Variants in OAS1 observed in about 807,000 individuals in gnomAD.
The protein encoded by OAS1 is 2'-5'-oligoadenylate synthetase 1.
In OAS1, 24 loss-of-function variants were observed where a neutral mutation model predicts 38.5. The observed-to-expected ratio is 0.62, with a 90% confidence interval of 0.45 to 0.88. OAS1 has a LOEUF of 0.88. Among genes scored for constraint, OAS1 ranks in the 40% least tolerant of loss-of-function variants. The pLI is 0.00. For missense variants in OAS1, 482 were observed against 493.9 expected, an observed-to-expected ratio of 0.98 and a Z score of 0.23; for synonymous variants, 169 against 193.9, an observed-to-expected ratio of 0.87 and a Z score of 1.07.
At position 112,907,061 on chromosome 12, in the gene OAS1, C is replaced by T. The variant is rs776721646; in HGVS notation, c.22C>T (p.Pro8Ser). The part of the protein sequence containing the change: MMDLRNT[P>S]AKSLDKFIED... ...GTCAATGATGGATCTCAGAAATACC[C>T]CAGCCAAATCTCTGGACAAGTTCAT... Residue 8 changes from proline (P) to serine (S), a missense_variant, in exon 1 of 6, where the codon CCA becomes TCA. Pro to Ser is a moderately conservative substitution (Grantham distance 74, BLOSUM62 -1). Transcript: ENST00000202917. The T allele has an allele frequency of 1.2e-6, 2 of 1,614,208 alleles. No individual in the cohort carries two copies. Among genetic ancestry groups the T allele is most frequent in the East Asian group, 2.2e-5 (1 of 44,896 alleles).
chr12:112,908,575 T>C lies in OAS1; in HGVS notation c.220T>C (p.Ser74Pro), dbSNP rs1189101057. 2 of 1,614,186 alleles carry C rather than the reference T, an allele frequency of 1.2e-6. No homozygotes were observed. Among genetic ancestry groups the C allele is most frequent in the East Asian group, 4.5e-5 (2 of 44,882 alleles). Reference protein sequence around the residue: ...SGKGTTLRGRSDADLVVFLSP... With the variant: ...SGKGTTLRGRPDADLVVFLSP... ...CAAGGGCACCACCCTCAGAGGCCGA[T>C]CTGACGCTGACCTGGTTGTCTTCCT... Residue 74 changes from serine (S) to proline (P), a missense_variant, in exon 2 of 6, where the codon TCT (serine) becomes CCT (proline). Ser to Pro is a moderately conservative substitution (Grantham distance 74, BLOSUM62 -1). Transcript: ENST00000202917.
intron 6 of OAS1, among the ~76,000 whole-genome samples, chr12:112,925,863 G>T (rs1277502754): frequency 6.6e-6 from 1 of 152,182 alleles, no homozygotes; most frequent in East Asian, 1.9e-4. Flanking sequence ...AGGACTGAAG[G>T]AGCTAATGGA....
At chr12:112,910,626 G>A (rs2043362968) in intron 2 of OAS1, among the ~76,000 whole-genome samples, 1 of 152,162 alleles carries the variant, frequency 6.6e-6, no homozygotes, top group African/African-American at 2.4e-5. Flanking sequence ...GAAAAAGTCA[G>A]AGAAGTAGAA....
chr12:112,925,272 T>G (rs4767032), intron 6 of OAS1, among the ~76,000 whole-genome samples: 112,746 of 151,646 alleles, frequency 0.74, 43,215 homozygotes, highest in African/African-American at 0.94. Flanking sequence ...AGGCCCTGCG[T>G]GAACTCTCCC....
At chr12:112,920,806 A>G (rs576175345), downstream of OAS1, among the ~76,000 whole-genome samples, 3 of 152,156 alleles carry the variant, frequency 2.0e-5, no homozygotes, top group Admixed American at 6.5e-5. Flanking sequence ...ATATTCTTCC[A>G]TTTAGTCCCC....
chr12:112,921,435 A>G (rs1283448887), downstream of OAS1, among the ~76,000 whole-genome samples: 1 of 152,230 alleles, frequency 6.6e-6, no homozygotes, highest in Non-Finnish European at 1.5e-5. Context: ...TAATGGAATC[A>G]GTAATTAGTT....
At chr12:112,917,045 G>A (rs1461118760) in intron 4 of OAS1, 7 of 375,024 alleles carry the variant, frequency 1.9e-5, no homozygotes, top group Non-Finnish European at 9.9e-6. Context: ...AAGAACAGCA[G>A]CAACAACAAT....
At chr12:112,921,108 C>T (rs2043525970), downstream of OAS1, among the ~76,000 whole-genome samples, 1 of 152,218 alleles carries the variant, frequency 6.6e-6, no homozygotes, top group Non-Finnish European at 1.5e-5. Context: ...TCAACCTGAG[C>T]ACAGATTCAC....
intron 4 of OAS1, 109 bp from the exon 5 acceptor site, chr12:112,917,438 C>G: frequency 6.9e-7 from 1 of 1,452,084 alleles, no homozygotes; most frequent in Non-Finnish European, 9.4e-7. Context: ...TCCTCATGTT[C>G]TGAGTCCCAG....
chr12:112,912,275 G>A (rs1479299129), intron 3 of OAS1, among the ~76,000 whole-genome samples: 1 of 152,164 alleles, frequency 6.6e-6, no homozygotes, highest in African/African-American at 2.4e-5. Context: ...GGGAGGAGGA[G>A]GTTGCAGTAA....
intron 3 of OAS1, among the ~76,000 whole-genome samples, chr12:112,911,737 T>C (rs1048499654): frequency 1.3e-5 from 2 of 152,332 alleles, no homozygotes; most frequent in South Asian, 2.1e-4. Flanking sequence ...ACGAGTAGCA[T>C]GCCATAGCTA....
At chr12:112,928,298 G>T (rs908917057) in intron 6 of OAS1, among the ~76,000 whole-genome samples, 4 of 152,228 alleles carry the variant, frequency 2.6e-5, no homozygotes, top group African/African-American at 9.6e-5. Flanking sequence ...ATGGGGTTGT[G>T]GTTGCCTTCT....
chr12:112,910,928 C>T, intron 2 of OAS1, 123 bp from the exon 3 acceptor site: 1 of 879,318 alleles, frequency 1.1e-6, no homozygotes, highest in Non-Finnish European at 1.7e-6. Flanking sequence ...CTCAAGACTT[C>T]CCAGCCCTGG....
intron 5 of OAS1, chr12:112,918,570 A>G (rs542938331): frequency 8.4e-5 from 37 of 439,994 alleles, no homozygotes; most frequent in African/African-American, 7.2e-4. Flanking sequence ...CCCATGAGGC[A>G]TGTTTTCTAT....
intron 1 of OAS1, among the ~76,000 whole-genome samples, chr12:112,907,438 A>G (rs2043312675): frequency 6.6e-6 from 1 of 152,252 alleles, no homozygotes; most frequent in Admixed American, 6.5e-5. Context: ...ATTATTAACA[A>G]GTGACCCTCC....
In OAS1 at chr12:112,907,153, T is replaced by C. The variant is rs1379578403; in HGVS notation, c.114T>C (p.Cys38=). The C allele has an allele frequency of 1.9e-6, 3 of 1,614,218 alleles. No individual in the cohort carries two copies. The highest frequency in any genetic ancestry group is 1.7e-5 in the Admixed American group (1 of 60,022). ...MQINHAIDII[C]GFLKERCFRG... ...TCAACCATGCCATTGACATCATCTG[T>C]GGGTTCCTGAAGGAAAGGTGCTTCC... Residue 38 remains cysteine, a synonymous_variant, in exon 1 of 6, where the codon TGT becomes TGC. Coordinates refer to ENST00000202917, the MANE Select transcript of OAS1 (RefSeq NM_016816.4).
downstream of OAS1, among the ~76,000 whole-genome samples, chr12:112,924,370 T>C (rs2035696065): frequency 6.6e-6 from 1 of 152,156 alleles, no homozygotes; most frequent in Admixed American, 6.5e-5. Context: ...ATTTCTACAT[T>C]AATTTTATAC....
chr12:112,928,826 G>A (rs1442550310), intron 6 of OAS1, among the ~76,000 whole-genome samples: 2 of 152,228 alleles, frequency 1.3e-5, no homozygotes, highest in Non-Finnish European at 2.9e-5. Context: ...ATGGATCCAG[G>A]AAGCAGTGAA....
In OAS1 at chr12:112,916,643, A is replaced by G; in HGVS notation, c.789A>G (p.Ile263Met). 1 of 1,614,172 alleles carries G rather than the reference A, an allele frequency of 6.2e-7. No individual in the cohort carries two copies. The highest frequency in any genetic ancestry group is 8.5e-7 in the Non-Finnish European group (1 of 1,180,038). Residue 263 changes from isoleucine (I) to methionine (M), a missense_variant, in exon 4 of 6, where the codon ATA becomes ATG. Ile to Met is a conservative substitution (Grantham distance 10). Transcript: ENST00000202917. ...TTCGGACGGTCTTGGAATTAGTCATAAACTACCAGCAACTCTGCATCTACT... is the reference window on the plus strand; with the variant it reads ...TTCGGACGGTCTTGGAATTAGTCATGAACTACCAGCAACTCTGCATCTACT... The part of the protein sequence containing the change: ...QGFRTVLELV[I>M]NYQQLCIYWT...
Sources: allele counts gnomAD v4.1 joint callset (sites outside exome capture counted in the v4.1 genomes callset), GRCh38; gene constraint gnomAD v4.1.1; transcripts MANE v1.5; gene names NCBI Gene and HGNC (gene_info 2026-07-23, HGNC 2026-07-21).